PCNT: variants seen among roughly 807,000 people sequenced by gnomAD.
PCNT encodes pericentrin.
Under a neutral mutation model 380.4 loss-of-function variants are expected in PCNT, and 319 were observed. The observed-to-expected ratio is 0.84, with a 90% CI of 0.77 to 0.92. The LOEUF is 0.92. PCNT is among the 40% of genes least tolerant of loss of function. The pLI, the probability that PCNT is intolerant of heterozygous loss-of-function variation, is 0.00. For missense variants in PCNT, 4,400 were observed against 4,255.3 expected (o/e 1.03, Z -0.95); for synonymous variants, 1,845 against 1,735.2 (o/e 1.06, Z -1.57).
intron 44 of PCNT, 107 bp from the exon 45 acceptor site, chr21:46,443,703 A>G (rs1476859676): frequency 2.4e-5 from 26 of 1,069,988 alleles, no homozygotes; most frequent in Non-Finnish European, 3.6e-5. Flanking sequence ...AAATTGCCAT[A>G]CAGGCTCTTA....
At chr21:46,372,177 A>T (rs1200556283) in intron 15 of PCNT, among the ~76,000 whole-genome samples, 1 of 150,544 alleles carries the variant, frequency 6.6e-6, no homozygotes, top group East Asian at 2.0e-4. Context: ...CACACACAGC[A>T]CATGCACACA....
chr21:46,380,257 G>T lies in PCNT; in HGVS notation c.3166-1437G>T, dbSNP rs1011376660. Reference sequence around the variant, plus strand: ...GCTCACTGCAAGCTCTGCCTCCCAGGTTCACACCATTCTCCTGCCTCAGAC... The same window carrying T: ...GCTCACTGCAAGCTCTGCCTCCCAGTTTCACACCATTCTCCTGCCTCAGAC... On this transcript the variant is annotated intron_variant, in intron 15 of 46. Transcript: ENST00000359568. Among the ~76,000 whole-genome samples, 10 of 140,158 alleles carry T rather than the reference G, an allele frequency of 7.1e-5. No individual in the cohort carries two copies. In the Admixed American group the frequency reaches 8.0e-4, roughly 11 times the overall value. 91.9% of individuals were successfully genotyped at this position (140,158 alleles called of 152,430 possible). A position where few individuals can be genotyped will look rare whatever the true frequency, so the allele number is the denominator to read the frequency against.
chr21:46,401,844 C>A, intron 26 of PCNT, 123 bp downstream of exon 26: 4 of 944,612 alleles, frequency 4.2e-6, no homozygotes, highest in Non-Finnish European at 6.5e-6. Flanking sequence ...GTATTCTTTT[C>A]TTTTCTTTTT....
chr21:46,378,304 T>C (rs1258393581), intron 15 of PCNT, among the ~76,000 whole-genome samples: 1 of 152,186 alleles, frequency 6.6e-6, no homozygotes, highest in Non-Finnish European at 1.5e-5. Context: ...CTCTGGCATA[T>C]CTGAATTGCT....
At chr21:46,406,266 T>G (rs566480769) in intron 27 of PCNT, among the ~76,000 whole-genome samples, 130 of 152,366 alleles carry the variant, frequency 8.5e-4, no homozygotes, top group African/African-American at 2.8e-3. Context: ...CCTGTGTGGC[T>G]TATTCTAACT....
At chr21:46,413,796 T>TC (rs768743329) in intron 29 of PCNT, among the ~76,000 whole-genome samples, 1 of 152,138 alleles carries the variant, frequency 6.6e-6, no homozygotes, top group African/African-American at 2.4e-5. Context: ...GCACTTCTTT[T>TC]CCCCGGGGAA....
rs559836256 is a variant in PCNT, at chr21:46,443,867, G to A, written c.9758G>A (p.Arg3253Gln). The change falls in exon 45 of 47, where the codon CGG (arginine) becomes CAG (glutamine). Residue 3253 changes from arginine (R) to glutamine (Q), a missense_variant. By Grantham distance (43) the Arg-to-Gln change is conservative. Coordinates refer to ENST00000359568, the MANE Select transcript of PCNT (RefSeq NM_006031.6). ...AGAACCAGAGAGTCCCCCCCAACCC[G>A]GGATGTACCCTCTGGCCACACCAGG... is the stretch of plus-strand genomic sequence containing the variant. ...PPRTRESPPT[R>Q]DVPSGHTRDP... 124 of 1,613,084 alleles carry A rather than the reference G, an allele frequency of 7.7e-5. 1 individual carries two copies. Among genetic ancestry groups the A allele is most frequent in the South Asian group, 4.7e-4 (43 of 91,034 alleles).
chr21:46,390,536 G>A (rs1056811631), intron 19 of PCNT, 134 bp from the exon 20 acceptor site: 40 of 917,778 alleles, frequency 4.4e-5, no homozygotes, highest in South Asian at 3.7e-4. Flanking sequence ...CTCAGGTCCC[G>A]TCACCCTGGC....
At chr21:46,330,584 T>C (rs1211270713) in intron 2 of PCNT, among the ~76,000 whole-genome samples, 1 of 152,244 alleles carries the variant, frequency 6.6e-6, no homozygotes, top group Non-Finnish European at 1.5e-5. Flanking sequence ...TTTCATTAAC[T>C]TTTTTCTGAT....
At position 46,353,491 on chromosome 21, in the gene PCNT, C is replaced by T. The variant is rs185262991; in HGVS notation, c.1679+165C>T. On this transcript the variant is annotated intron_variant, in intron 10 of 46. Transcript: ENST00000359568. ...AAAAGATGACACAGGCACGGGCACCCGAGAGTGGCCTGCATGTGTGTGTGC... is the reference window on the plus strand; with the variant it reads ...AAAAGATGACACAGGCACGGGCACCTGAGAGTGGCCTGCATGTGTGTGTGC... Among the ~76,000 whole-genome samples the T allele has an allele frequency of 6.0e-4, 91 of 152,254 alleles. 1 individual carries two copies. The East Asian group carries it at 0.013, about 21-fold the overall frequency.
chr21:46,367,140 G>A lies in PCNT; in HGVS notation c.3165+1G>A, dbSNP rs1299341772. 2.5e-6 allele frequency: 4 copies of A among 1,611,372 alleles called. No individual in the cohort carries two copies. In the Admixed American group the frequency reaches 6.7e-5, roughly 27 times the overall value. ...TCACGAGCTGCAGGGAGTGCACCAG[G>A]TAAGGCGCCAGGGCCCTGCCCCAGC... On this transcript the variant is annotated splice_donor_variant, in intron 15 of 46. Transcript: ENST00000359568. LOFTEE classifies it high-confidence loss of function.
chr21:46,380,678 G>A (rs1355342644), intron 15 of PCNT, among the ~76,000 whole-genome samples: 1 of 152,056 alleles, frequency 6.6e-6, no homozygotes. Context: ...TTGTTCTTAT[G>A]GACACTCAGC....
chr21:46,422,272 G>A (rs1028604572), intron 32 of PCNT, 148 bp downstream of exon 32: 22 of 1,074,096 alleles, frequency 2.0e-5, no homozygotes, highest in African/African-American at 7.8e-5. Flanking sequence ...TGACTCACGG[G>A]AGGCAGCCCC....
At chr21:46,351,250 C>A (rs2084255875) in intron 8 of PCNT, among the ~76,000 whole-genome samples, 179 bp from the exon 9 acceptor site, 1 of 152,200 alleles carries the variant, frequency 6.6e-6, no homozygotes, top group Non-Finnish European at 1.5e-5. Context: ...ACCGATCCCT[C>A]TTGTCACGGA....
intron 38 of PCNT, among the ~76,000 whole-genome samples, chr21:46,433,497 G>A (rs117182009): frequency 1.3e-4 from 20 of 152,238 alleles, no homozygotes; most frequent in Non-Finnish European, 2.4e-4. Context: ...TGGCAGGGGC[G>A]TCTACACAGG....
intron 9 of PCNT, 58 bp downstream of exon 9, chr21:46,351,598 T>C (rs2084274841): frequency 2.0e-6 from 2 of 1,016,976 alleles, no homozygotes; most frequent in East Asian, 2.4e-5. Flanking sequence ...GTGTTTTTCA[T>C]TGTTGTAACA....
rs1048261188 is a variant in PCNT at position 46,363,557 on chromosome 21, A to T, written c.2232A>T (p.Glu744Asp). The T allele has an allele frequency of 6.2e-7, 1 of 1,614,068 alleles. No individual in the cohort carries two copies. Among genetic ancestry groups the T allele is most frequent in the Non-Finnish European group, 8.5e-7 (1 of 1,179,994 alleles). The change falls in exon 14 of 47, where the codon GAA becomes GAT. Residue 744 changes from glutamate (E) to aspartate (D), a missense_variant. Physicochemically the swap from Glu to Asp is conservative, Grantham distance 45. Coordinates refer to ENST00000359568, the MANE Select transcript of PCNT (RefSeq NM_006031.6). ...AKQKTELMKQ[E>D]FQRKETDWKV... is the part of the protein sequence containing the mutation. ...AAAAGACTGAGCTGATGAAACAGGA[A>T]TTCCAAAGAAAAGAAACGGACTGGA...
chr21:46,412,996 T>A lies in PCNT; in HGVS notation c.6150+4T>A, dbSNP rs776828919. 2 of 1,606,238 alleles carry A rather than the reference T, an allele frequency of 1.2e-6. No individual in the cohort carries two copies. Among genetic ancestry groups the A allele is most frequent in the South Asian group, 2.2e-5 (2 of 91,024 alleles). On this transcript the variant is annotated splice_donor_region_variant and intron_variant, in intron 29 of 46. Coordinates refer to ENST00000359568, the MANE Select transcript of PCNT (RefSeq NM_006031.6). ...GAGTCTGGAGGACGGCGGCAAGGTG[T>A]GGGGAGGGGGGAAGGCGCGAGGTCC... is the stretch of plus-strand genomic sequence containing the variant.
chr21:46,401,826 A>G, intron 26 of PCNT, 105 bp downstream of exon 26: 2 of 1,033,318 alleles, frequency 1.9e-6, no homozygotes, highest in Non-Finnish European at 3.0e-6. Context: ...TGGGCTTGTG[A>G]CCACTGTGTA....
Sources: gnomAD v4.1 joint callset for allele counts (sites outside exome capture counted in the v4.1 genomes callset) on GRCh38, gnomAD v4.1.1 for gene constraint, MANE v1.5 for transcripts, NCBI Gene and HGNC (gene_info 2026-07-23, HGNC 2026-07-21) for gene names.